The following RNGTT variants were observed in gnomAD, a reference collection of about 807,000 sequenced individuals.
RNGTT encodes mRNA-capping enzyme.
In RNGTT, 33 loss-of-function variants were observed where a neutral mutation model predicts 79.3. The ratio of observed to expected loss-of-function variants is 0.42; its 90% CI spans 0.32 to 0.56. The LOEUF is 0.56. RNGTT is among the 20% of genes least tolerant of loss of function. The pLI is 0.17. For synonymous variants in RNGTT, 222 were observed against 235.9 expected (o/e 0.94, Z 0.54); for missense variants, 497 against 739.1 (o/e 0.67, Z 3.80).
chr6:88,747,344 C>A (rs1470222395), intron 13 of RNGTT, among the ~76,000 whole-genome samples: 1 of 152,168 alleles, frequency 6.6e-6, no homozygotes, highest in East Asian at 1.9e-4. Flanking sequence ...CACATTCTTC[C>A]CTATGGAATT....
intron 1 of RNGTT, among the ~76,000 whole-genome samples, chr6:88,960,073 G>T (rs573130866): frequency 1.3e-5 from 2 of 152,192 alleles, no homozygotes; most frequent in South Asian, 4.1e-4. Flanking sequence ...CAACCTCAAA[G>T]AATTAGGTTT....
At chr6:88,831,578 G>C (rs1356661042) in intron 11 of RNGTT, among the ~76,000 whole-genome samples, 2 of 152,190 alleles carry the variant, frequency 1.3e-5, no homozygotes, top group Non-Finnish European at 2.9e-5. Flanking sequence ...TAGTATTGAA[G>C]TTCTGGACAG....
At chr6:88,715,279 A>C (rs1346824454) in intron 13 of RNGTT, among the ~76,000 whole-genome samples, 1 of 152,232 alleles carries the variant, frequency 6.6e-6, no homozygotes, top group Non-Finnish European at 1.5e-5. Flanking sequence ...GACCTCTTCA[A>C]GAACAACTAC....
At chr6:88,939,948 G>A (rs1200054229) in intron 2 of RNGTT, among the ~76,000 whole-genome samples, 1 of 150,860 alleles carries the variant, frequency 6.6e-6, no homozygotes, top group African/African-American at 2.4e-5. Context: ...TGTAGAGACA[G>A]GGTCTCCCTA....
At chr6:88,759,700 T>C (rs1260429852) in intron 13 of RNGTT, among the ~76,000 whole-genome samples, 1 of 152,164 alleles carries the variant, frequency 6.6e-6, no homozygotes, top group East Asian at 1.9e-4. Flanking sequence ...ATTTGCTCAA[T>C]CCTACAACAC....
At chr6:88,629,129 G>A (rs1772748290) in intron 14 of RNGTT, among the ~76,000 whole-genome samples, 1 of 152,166 alleles carries the variant, frequency 6.6e-6, no homozygotes, top group African/African-American at 2.4e-5. Flanking sequence ...TCAAAAGTGG[G>A]TAGGGAAAAG....
rs556876539 is a variant in RNGTT at position 88,687,859 on chromosome 6, A to T, written c.1440-9440T>A. On this transcript the variant is annotated intron_variant, in intron 13 of 15. Coordinates refer to ENST00000369485, the MANE Select transcript of RNGTT (RefSeq NM_003800.5). ...GGGGGAATAAAAATAGGGCAGCAGG[A>T]TGAGTGAAGAGTGACATATCTATGA... 3.3e-5 allele frequency among the ~76,000 whole-genome samples: 5 copies of T among 152,294 alleles called. No individual in the cohort carries two copies. In the South Asian group the frequency reaches 6.2e-4, roughly 19 times the overall value.
chr6:88,930,133 C>CATACATATACATATACGTACATACATAT (rs1784466198), intron 2 of RNGTT, among the ~76,000 whole-genome samples: 1 of 140,474 alleles, frequency 7.1e-6, no homozygotes, highest in Non-Finnish European at 1.5e-5. Flanking sequence ...TACACGTATA[C>CATACATATACATATACGTACATACATAT]ATACATATAC....
intron 8 of RNGTT, among the ~76,000 whole-genome samples, chr6:88,875,970 G>T (rs955958301): frequency 6.6e-6 from 1 of 152,176 alleles, no homozygotes; most frequent in Non-Finnish European, 1.5e-5. Flanking sequence ...CTGCTGTTCG[G>T]AGTGTATCAC....
At chr6:88,780,194 T>C (rs9353609) in intron 12 of RNGTT, among the ~76,000 whole-genome samples, 2 of 152,082 alleles carry the variant, frequency 1.3e-5, no homozygotes, top group African/African-American at 2.4e-5. Flanking sequence ...TCAAATACTT[T>C]AATAAAATAA....
chr6:88,854,910 TAAG>T (rs1263300904), intron 8 of RNGTT, among the ~76,000 whole-genome samples: 1 of 152,140 alleles, frequency 6.6e-6, no homozygotes, highest in African/African-American at 2.4e-5. Flanking sequence ...AAATGGATAA[TAAG>T]AAGACTTGGG....
At chr6:88,921,664 T>G (rs1324411720) in intron 4 of RNGTT, among the ~76,000 whole-genome samples, 1 of 152,176 alleles carries the variant, frequency 6.6e-6, no homozygotes, top group African/African-American at 2.4e-5. Context: ...TGAAACCTCA[T>G]GTATCCATCA....
At chr6:88,702,906 C>G (rs1395431858) in intron 13 of RNGTT, among the ~76,000 whole-genome samples, 1 of 151,910 alleles carries the variant, frequency 6.6e-6, no homozygotes, top group Non-Finnish European at 1.5e-5. Context: ...GAGTAGAGAT[C>G]TCTCAAAATT....
chr6:88,759,954 A>C (rs1380004580), intron 13 of RNGTT, among the ~76,000 whole-genome samples: 1 of 152,210 alleles, frequency 6.6e-6, no homozygotes, highest in African/African-American at 2.4e-5. Flanking sequence ...TATAACATAA[A>C]AGGTAACTTA....
At position 88,942,545 on chromosome 6, in the gene RNGTT, G is replaced by GT. The variant is rs1159549190; in HGVS notation, c.65-1366dup. ...CCACCACACTCAGCTAATTTTTTGT[G>GT]TTTTTTGTAGGGATGAGGTTTTGCC... On this transcript the variant is annotated intron_variant, in intron 1 of 15. Coordinates refer to ENST00000369485, the MANE Select transcript of RNGTT (RefSeq NM_003800.5). 4.6e-5 allele frequency among the ~76,000 whole-genome samples: 7 copies of GT among 151,738 alleles called. No homozygotes were observed. In the East Asian group the frequency reaches 9.7e-4, roughly 21 times the overall value.
intron 12 of RNGTT, among the ~76,000 whole-genome samples, chr6:88,772,878 T>C (rs911726558): frequency 6.6e-6 from 1 of 152,098 alleles, no homozygotes; most frequent in Non-Finnish European, 1.5e-5. Flanking sequence ...GGTGGGACTG[T>C]AAACTAGTTC....
chr6:88,616,240 A>G lies in RNGTT; in HGVS notation c.1507-1845T>C, dbSNP rs140681518. Among the ~76,000 whole-genome samples, 128 of 152,316 alleles carry G rather than the reference A, an allele frequency of 8.4e-4. 1 individual carries two copies. Among genetic ancestry groups the G allele is most frequent in the African/African-American group, 2.9e-3 (119 of 41,552 alleles). Reference sequence around the variant, plus strand: ...TGTATGTATACACCACATTTTCTTTAGCCATTCATCTGTCAATGGACACGT... The same window carrying G: ...TGTATGTATACACCACATTTTCTTTGGCCATTCATCTGTCAATGGACACGT... On this transcript the variant is annotated intron_variant, in intron 14 of 15. Transcript: ENST00000369485.
chr6:88,817,133 CG>C (rs1050762493), intron 11 of RNGTT, among the ~76,000 whole-genome samples: 2 of 152,046 alleles, frequency 1.3e-5, no homozygotes, highest in African/African-American at 2.4e-5. Flanking sequence ...TCTGGTCTAG[CG>C]TATGTAAAAG....
intron 13 of RNGTT, among the ~76,000 whole-genome samples, chr6:88,717,416 AT>A (rs1401145360): frequency 6.6e-6 from 1 of 152,208 alleles, no homozygotes; most frequent in African/African-American, 2.4e-5. Flanking sequence ...ATACGCACCT[AT>A]TTTTGATTTC....
Sources: allele counts gnomAD v4.1 joint callset (sites outside exome capture counted in the v4.1 genomes callset), GRCh38; gene constraint gnomAD v4.1.1; transcripts MANE v1.5; gene names NCBI Gene and HGNC (gene_info 2026-07-23, HGNC 2026-07-21).